The following FAM13A variants were observed in gnomAD, a reference collection of about 807,000 sequenced individuals.
FAM13A encodes protein FAM13A.
Under a neutral mutation model 129.6 loss-of-function variants are expected in FAM13A, and 76 were observed. The ratio of observed to expected loss-of-function variants is 0.59; its 90% CI spans 0.49 to 0.71. The LOEUF (loss-of-function observed/expected upper bound fraction) is 0.71. Ranked by LOEUF, FAM13A falls within the 30% of genes least tolerant of loss-of-function variation. FAM13A has a pLI of 0.00. For missense variants in FAM13A, 1,108 were observed against 1,249.3 expected, an observed-to-expected ratio of 0.89 and a Z score of 1.70; for synonymous variants, 443 against 449.9, an observed-to-expected ratio of 0.98 and a Z score of 0.20.
intron 7 of FAM13A, among the ~76,000 whole-genome samples, chr4:88,807,733 A>G (rs1000172825): frequency 3.0e-4 from 45 of 152,212 alleles, no homozygotes; most frequent in Non-Finnish European, 8.8e-5. Flanking sequence ...TCCATAATGC[A>G]TTATGCCTGA....
At chr4:88,749,161 G>A in intron 16 of FAM13A, 128 bp from the exon 17 acceptor site, 1 of 725,026 alleles carries the variant, frequency 1.4e-6, no homozygotes, top group Non-Finnish European at 2.5e-6. Flanking sequence ...AATTAAACAC[G>A]ACCAATCAGA....
intron 4 of FAM13A, among the ~76,000 whole-genome samples, chr4:88,943,325 G>A (rs1416104478): frequency 2.0e-5 from 3 of 152,180 alleles, no homozygotes; most frequent in African/African-American, 7.2e-5. Flanking sequence ...TGGAAACACT[G>A]TCAAGTAAGA....
chr4:88,811,048 G>T (rs2149779804), intron 7 of FAM13A, among the ~76,000 whole-genome samples: 1 of 152,224 alleles, frequency 6.6e-6, no homozygotes, highest in East Asian at 1.9e-4. Context: ...AATGAATGCT[G>T]ATGAATTAAG....
At chr4:89,003,242 C>CT (rs58496119) in intron 3 of FAM13A, among the ~76,000 whole-genome samples, 17,986 of 148,854 alleles carry the variant, frequency 0.12, 2,046 homozygotes, top group African/African-American at 0.29. Flanking sequence ...GGATAAATTA[C>CT]TTTTTTTTTA....
At chr4:88,866,869 C>A (rs973618925) in intron 6 of FAM13A, among the ~76,000 whole-genome samples, 1 of 152,102 alleles carries the variant, frequency 6.6e-6, no homozygotes, top group Admixed American at 6.5e-5. Flanking sequence ...ACCTACATAC[C>A]CTGATGAAAT....
chr4:88,946,800 G>A (rs1242302450), intron 4 of FAM13A, among the ~76,000 whole-genome samples: 1 of 152,022 alleles, frequency 6.6e-6, no homozygotes, highest in South Asian at 2.1e-4. Context: ...AATAGTACCA[G>A]TCTCCCTAGT....
At chr4:88,903,104 G>T (rs995519788) in intron 6 of FAM13A, among the ~76,000 whole-genome samples, 1 of 152,062 alleles carries the variant, frequency 6.6e-6, no homozygotes, top group Non-Finnish European at 1.5e-5. Context: ...AAATCAGAGA[G>T]GACACAAACA....
In FAM13A at chr4:88,749,420, C is replaced by T. The variant is rs1284300480; in HGVS notation, c.2079+351G>A. On this transcript the variant is annotated intron_variant, in intron 16 of 23. Coordinates refer to ENST00000264344, the MANE Select transcript of FAM13A (RefSeq NM_014883.4). ...TGCCACTCTTGTGGTACAGAGCTGA[C>T]AGCAGAACGAGCTCAGTGCTAACAA... 2.6e-5 allele frequency among the ~76,000 whole-genome samples: 4 copies of T among 151,812 alleles called. No individual in the cohort carries two copies. The South Asian group carries it at 8.3e-4, about 31-fold the overall frequency.
At chr4:88,808,809 G>A (rs1460038015) in intron 7 of FAM13A, among the ~76,000 whole-genome samples, 1 of 151,930 alleles carries the variant, frequency 6.6e-6, no homozygotes, top group Non-Finnish European at 1.5e-5. Context: ...TACATTGAGA[G>A]ATTTGGGCAA....
intron 1 of FAM13A, among the ~76,000 whole-genome samples, chr4:89,044,182 AT>A (rs1770538241): frequency 6.6e-6 from 1 of 152,096 alleles, no homozygotes; most frequent in African/African-American, 2.4e-5. Context: ...TGCAATTCAT[AT>A]ATCTGAATAC....
At chr4:89,031,305 C>G (rs748897398) in intron 1 of FAM13A, among the ~76,000 whole-genome samples, 20 of 151,996 alleles carry the variant, frequency 1.3e-4, no homozygotes, top group Non-Finnish European at 2.1e-4. Flanking sequence ...AAACAGCTGA[C>G]AGTGAAGTTA....
At chr4:88,837,514 G>A (rs1735023948) in intron 7 of FAM13A, among the ~76,000 whole-genome samples, 3 of 150,888 alleles carry the variant, frequency 2.0e-5, no homozygotes, top group Admixed American at 6.6e-5. Flanking sequence ...TTGGGAGTTT[G>A]AGACCAGCCT....
intron 5 of FAM13A, among the ~76,000 whole-genome samples, chr4:88,922,013 T>C (rs1359860456): frequency 1.3e-5 from 2 of 151,892 alleles, no homozygotes; most frequent in Non-Finnish European, 2.9e-5. Flanking sequence ...ATCCTAAATA[T>C]ATATGCACCC....
chr4:88,825,459 C>T (rs1368500374), intron 7 of FAM13A, among the ~76,000 whole-genome samples: 1 of 152,110 alleles, frequency 6.6e-6, no homozygotes, highest in Non-Finnish European at 1.5e-5. Context: ...TCAAATGATC[C>T]ACCTGCCTCA....
intron 4 of FAM13A, among the ~76,000 whole-genome samples, chr4:88,969,603 C>T (rs1759806840): frequency 1.3e-5 from 2 of 152,204 alleles, no homozygotes; most frequent in African/African-American, 4.8e-5. Flanking sequence ...CAAGCTTATC[C>T]TCATCTTTGA....
At chr4:88,791,731 A>C (rs1378599338) in intron 8 of FAM13A, among the ~76,000 whole-genome samples, 1 of 152,106 alleles carries the variant, frequency 6.6e-6, no homozygotes, top group Non-Finnish European at 1.5e-5. Context: ...TATACGATAT[A>C]ATTTTCAACA....
chr4:88,965,033 GA>G, intron 4 of FAM13A, among the ~76,000 whole-genome samples: 1 of 152,210 alleles, frequency 6.6e-6, no homozygotes, highest in African/African-American at 2.4e-5. Context: ...ATAATGGGGG[GA>G]AAATCACACA....
At chr4:88,779,825 A>C (rs1349505636) in intron 11 of FAM13A, among the ~76,000 whole-genome samples, 1 of 152,190 alleles carries the variant, frequency 6.6e-6, no homozygotes, top group Non-Finnish European at 1.5e-5. Context: ...CCTGGTGGAA[A>C]AAATTAATGG....
intron 6 of FAM13A, among the ~76,000 whole-genome samples, chr4:88,876,124 C>T (rs1330312844): frequency 4.6e-5 from 7 of 152,054 alleles, no homozygotes; most frequent in African/African-American, 1.7e-4. Context: ...GGGAACATCC[C>T]ACACCAGGGC....
Sources: gnomAD v4.1 joint callset for allele counts (sites outside exome capture counted in the v4.1 genomes callset) on GRCh38, gnomAD v4.1.1 for gene constraint, MANE v1.5 for transcripts, NCBI Gene and HGNC (gene_info 2026-07-23, HGNC 2026-07-21) for gene names.